The following PAQR5 variants were observed in gnomAD, a reference collection of about 807,000 sequenced individuals.
PAQR5 encodes the protein progestin and adipoQ receptor family member 5, also known as membrane progestin receptor gamma.
A neutral mutation model predicts 34.5 loss-of-function variants in PAQR5; 20 were observed. That is an observed-to-expected ratio of 0.58 (90% CI 0.41 to 0.84). PAQR5 has a LOEUF of 0.84. Among genes scored for constraint, PAQR5 ranks in the 40% least tolerant of loss-of-function variants. The pLI is 0.00. For missense variants in PAQR5, 378 were observed against 412.7 expected (o/e 0.92, Z 0.73); for synonymous variants, 131 against 155.6 (o/e 0.84, Z 1.18).
intron 8 of PAQR5, among the ~76,000 whole-genome samples, chr15:69,401,314 A>G (rs539051557): frequency 1.5e-4 from 23 of 152,276 alleles, no homozygotes; most frequent in Non-Finnish European, 1.2e-4. Context: ...CTGATTTTCC[A>G]TCTCCTCTCA....
intron 1 of PAQR5, among the ~76,000 whole-genome samples, chr15:69,320,436 C>T (rs898458663): frequency 6.9e-5 from 8 of 115,270 alleles, no homozygotes; most frequent in Non-Finnish European, 1.6e-4. Flanking sequence ...GATGTCCATT[C>T]AGAGAGGTGC....
At chr15:69,347,272 T>C (rs2054799238) in intron 2 of PAQR5, among the ~76,000 whole-genome samples, 1 of 152,230 alleles carries the variant, frequency 6.6e-6, no homozygotes, top group Admixed American at 6.5e-5. Context: ...AGTTGGGTCT[T>C]ACCTGATAGT....
chr15:69,339,168 A>ACCCTCCCTCCCCC (rs111647955), intron 2 of PAQR5, among the ~76,000 whole-genome samples: 1 of 134,068 alleles, frequency 7.5e-6, no homozygotes, highest in Non-Finnish European at 1.7e-5. Flanking sequence ...CCCACTGGCT[A>ACCCTCCCTCCCCC]CACCCCCCAC....
intron 1 of PAQR5, among the ~76,000 whole-genome samples, chr15:69,312,640 C>T (rs544220130): frequency 4.1e-4 from 63 of 151,850 alleles, no homozygotes; most frequent in African/African-American, 1.4e-3. Context: ...CCAGTCCCCC[C>T]GTCCCCCAGG....
chr15:69,315,322 G>A (rs1019542209), intron 1 of PAQR5, among the ~76,000 whole-genome samples: 6 of 152,086 alleles, frequency 3.9e-5, no homozygotes, highest in African/African-American at 1.4e-4. Context: ...GGAAGATCGG[G>A]GTCTTTGTCT....
In PAQR5 at chr15:69,359,241, G is replaced by C. The variant is rs141837751; in HGVS notation, c.-115-725G>C. ...CCCTGCTCCTTGTCACCACATTGGAGATTAGGTTTTGACACATGAATTTTG... is the reference window on the plus strand; with the variant it reads ...CCCTGCTCCTTGTCACCACATTGGACATTAGGTTTTGACACATGAATTTTG... On this transcript the variant is annotated intron_variant, in intron 2 of 8. Transcript: ENST00000395407. Among the ~76,000 whole-genome samples, 1,258 of 152,284 alleles carry C rather than the reference G, an allele frequency of 8.3e-3. 13 individuals carry two copies. The highest frequency in any genetic ancestry group is 0.013 in the Non-Finnish European group (878 of 68,022).
At chr15:69,319,158 CATATATATATAT>C (rs869082537) in intron 1 of PAQR5, among the ~76,000 whole-genome samples, 113 of 4,230 alleles carry the variant, frequency 0.027, no homozygotes, top group Middle Eastern at 0.5. Flanking sequence ...TAAATATATA[CATATATATATAT>C]ATATATATAT....
intron 8 of PAQR5, among the ~76,000 whole-genome samples, chr15:69,402,631 A>G (rs149698356): frequency 3.2e-4 from 48 of 152,258 alleles, no homozygotes; most frequent in African/African-American, 1.1e-3. Context: ...TCCTTTCCTT[A>G]TAAGGACACC....
At chr15:69,350,864 A>T (rs561234745) in intron 2 of PAQR5, among the ~76,000 whole-genome samples, 5 of 152,328 alleles carry the variant, frequency 3.3e-5, no homozygotes, top group African/African-American at 1.2e-4. Flanking sequence ...GGCTTCGCCA[A>T]AGGGATCTGT....
At position 69,397,482 on chromosome 15, in the gene PAQR5, A is replaced by G. The variant is rs1458160220; in HGVS notation, c.527A>G (p.Gln176Arg). 4.3e-6 allele frequency: 7 copies of G among 1,613,110 alleles called. No homozygotes were observed. Among genetic ancestry groups the G allele is most frequent in the Non-Finnish European group, 5.9e-6 (7 of 1,179,132 alleles). Residue 176 changes from glutamine to arginine, a missense_variant, in exon 7 of 9, where the codon CAG (glutamine) becomes CGG (arginine). Physicochemically the swap from Gln to Arg is conservative, Grantham distance 43. Coordinates refer to ENST00000395407, the MANE Select transcript of PAQR5 (RefSeq NM_017705.4). ...LSCYSRFLEIQKPRLCKVIRV... is the reference protein window; with the variant it reads ...LSCYSRFLEIRKPRLCKVIRV... ...CCCTGATTTAGGTTTCTTGAAATCCAGAAGCCCAGACTCTGTAAGGTGATT... is the reference window on the plus strand; with the variant it reads ...CCCTGATTTAGGTTTCTTGAAATCCGGAAGCCCAGACTCTGTAAGGTGATT...
chr15:69,382,399 T>G (rs1055943141), intron 4 of PAQR5, among the ~76,000 whole-genome samples: 14 of 151,946 alleles, frequency 9.2e-5, no homozygotes, highest in Non-Finnish European at 1.6e-4. Context: ...ATAATCCCAG[T>G]ACTCTGGGAG....
chr15:69,376,129 A>C (rs566650463), intron 3 of PAQR5, among the ~76,000 whole-genome samples: 2 of 152,208 alleles, frequency 1.3e-5, no homozygotes, highest in East Asian at 3.9e-4. Flanking sequence ...ATATGATTTG[A>C]TTTCATTTCA....
At chr15:69,328,729 C>T (rs1006470127) in intron 1 of PAQR5, among the ~76,000 whole-genome samples, 12 of 152,330 alleles carry the variant, frequency 7.9e-5, no homozygotes, top group African/African-American at 2.6e-4. Flanking sequence ...GCCAGGTTCC[C>T]GTTGCCTTTC....
chr15:69,399,054 G>A (rs976529904), intron 7 of PAQR5, among the ~76,000 whole-genome samples: 4 of 152,178 alleles, frequency 2.6e-5, no homozygotes, highest in Non-Finnish European at 4.4e-5. Context: ...TGCTGCCCTC[G>A]GTAAGTGGTG....
intron 6 of PAQR5, among the ~76,000 whole-genome samples, chr15:69,394,603 C>T (rs979861388): frequency 1.3e-5 from 2 of 152,232 alleles, no homozygotes; most frequent in Non-Finnish European, 1.5e-5. Flanking sequence ...TTAACGAAGG[C>T]TTCTCCCGTA....
At position 69,385,796 on chromosome 15, in the gene PAQR5, A is replaced by G; in HGVS notation, c.385+914A>G. ...CTGACACACACTGACACACACACAT[A>G]CAATGCACTCACACATGCACATACA... On this transcript the variant is annotated intron_variant, in intron 5 of 8. Coordinates refer to ENST00000395407, the MANE Select transcript of PAQR5 (RefSeq NM_017705.4). The surrounding 1 kb of genome is among the most constrained non-coding windows in gnomAD (Gnocchi z 4.7). Among the ~76,000 whole-genome samples the G allele has an allele frequency of 6.6e-6, 1 of 151,702 alleles. No homozygotes were observed. Among genetic ancestry groups the G allele is most frequent in the East Asian group, 1.9e-4 (1 of 5,186 alleles).
chr15:69,336,730 AAAAG>A (rs1260720590), intron 1 of PAQR5, among the ~76,000 whole-genome samples: 1 of 152,200 alleles, frequency 6.6e-6, no homozygotes, highest in Non-Finnish European at 1.5e-5. Flanking sequence ...GAAAACTTTC[AAAAG>A]AAAGAGAGAA....
chr15:69,389,849 A>T, intron 6 of PAQR5, 69 bp downstream of exon 6: 1 of 1,566,004 alleles, frequency 6.4e-7, no homozygotes, highest in Non-Finnish European at 8.7e-7. Flanking sequence ...GCACTCTTTG[A>T]GGGAGCCGGG....
At chr15:69,303,434 C>T (rs2053647758) in intron 1 of PAQR5, among the ~76,000 whole-genome samples, 1 of 152,118 alleles carries the variant, frequency 6.6e-6, no homozygotes, top group African/African-American at 2.4e-5. Flanking sequence ...CCCCACCAGA[C>T]CTCCATCCTC....
Sources: allele counts gnomAD v4.1 joint callset (sites outside exome capture counted in the v4.1 genomes callset), GRCh38; gene constraint gnomAD v4.1.1; non-coding constraint Gnocchi (gnomAD v3.1); transcripts MANE v1.5; gene names NCBI Gene and HGNC (gene_info 2026-07-23, HGNC 2026-07-21).